The following SLC25A28 variants were observed in gnomAD, a reference collection of about 807,000 sequenced individuals.
SLC25A28 encodes solute carrier family 25 member 28, also known as mitoferrin-2.
In SLC25A28, 10 loss-of-function variants were observed where a neutral mutation model predicts 31.9. The ratio of observed to expected loss-of-function variants is 0.31; its 90% confidence interval spans 0.19 to 0.53. SLC25A28 has a LOEUF of 0.53. Ranked by LOEUF, SLC25A28 falls within the 20% of genes least tolerant of loss-of-function variation. SLC25A28 has a pLI of 0.95. For missense variants in SLC25A28, 256 were observed against 490.3 expected (o/e 0.52, Z 4.51); for synonymous variants, 208 against 203.6 (o/e 1.02, Z -0.19).
chr10:99,610,924 G>A lies in SLC25A28; in HGVS notation c.1020C>T (p.Ala340=). 7 of 1,614,232 alleles carry A rather than the reference G, an allele frequency of 4.3e-6. No individual in the cohort carries two copies. Among genetic ancestry groups the A allele is most frequent in the Non-Finnish European group, 5.9e-6 (7 of 1,180,042 alleles). ...ARVIYQIPST[A]IAWSVYEFFK... ...AGAACTCATACACAGACCATGCGATGGCTGTGGAGGGGATCTGGTAAATTA... is the reference window on the plus strand; with the variant it reads ...AGAACTCATACACAGACCATGCGATAGCTGTGGAGGGGATCTGGTAAATTA... Residue 340 remains alanine (A), a synonymous_variant, in exon 4 of 4, where the codon GCC becomes GCT. Coordinates refer to ENST00000370495, the MANE Select transcript of SLC25A28 (RefSeq NM_031212.4).
At chr10:99,619,700 C>T (rs1301485331) in intron 1 of SLC25A28, among the ~76,000 whole-genome samples, 1 of 152,258 alleles carries the variant, frequency 6.6e-6, no homozygotes, top group Non-Finnish European at 1.5e-5. Flanking sequence ...CAGTTGGCTT[C>T]ACCTTAATCG....
chr10:99,650,696 A>G, the SLC25A28 span, among the ~76,000 whole-genome samples: 1 of 151,478 alleles, frequency 6.6e-6, no homozygotes, highest in Non-Finnish European at 1.5e-5. Context: ...ACGTATAGGA[A>G]AGCCTGGTTT....
In SLC25A28 at chr10:99,610,534, G is replaced by T. The variant is rs545033597; in HGVS notation, c.*315C>A. The T allele has an allele frequency of 9.6e-5, 28 of 290,440 alleles. No individual in the cohort carries two copies. The highest frequency in any genetic ancestry group is 5.1e-4 in the African/African-American group (24 of 47,156). 18.0% of individuals were successfully genotyped at this position (290,440 alleles called of 1,614,324 possible). On this transcript the variant is annotated 3_prime_UTR_variant, in exon 4 of 4. Transcript: ENST00000370495. ...CCCAATGAAACCATTTAATTTAAAG[G>T]CTTTTTATTAGGAACCAGGGGAATG...
chr10:99,657,897 C>T, the SLC25A28 span, among the ~76,000 whole-genome samples: 4 of 152,128 alleles, frequency 2.6e-5, no homozygotes, highest in Non-Finnish European at 5.9e-5. Flanking sequence ...CACTACTAAG[C>T]TTTCCTGGCC....
At chr10:99,639,722 T>TATACAC in the SLC25A28 span, among the ~76,000 whole-genome samples, 3 of 131,058 alleles carry the variant, frequency 2.3e-5, no homozygotes, top group South Asian at 2.7e-4. Context: ...GCACCATGGG[T>TATACAC]ACACACACAC....
At chr10:99,615,880 C>T (rs2034640017) in intron 1 of SLC25A28, 1 of 985,316 alleles carries the variant, frequency 1.0e-6, no homozygotes. Flanking sequence ...ATTTGGCTAC[C>T]AATTCTGAAC....
the SLC25A28 span, among the ~76,000 whole-genome samples, chr10:99,642,961 G>A: frequency 4.6e-5 from 7 of 152,036 alleles, no homozygotes; most frequent in Admixed American, 1.3e-4. Context: ...TGCTGGATTC[G>A]GTTTGCCAGT....
In SLC25A28 at chr10:99,613,290, G is replaced by A; in HGVS notation, c.520+406C>T. 1.4e-6 allele frequency: 1 copy of A among 731,086 alleles called. No individual in the cohort carries two copies. Among genetic ancestry groups the A allele is most frequent in the Non-Finnish European group, 1.7e-6 (1 of 597,860 alleles). The allele number at this position is 731,086 out of a possible 1,614,324, so 45.3% of individuals were successfully genotyped here. A position where few individuals can be genotyped will look rare whatever the true frequency, so the allele number is the denominator to read the frequency against. On this transcript the variant is annotated intron_variant, in intron 2 of 3. Transcript: ENST00000370495. This position sits in a 1 kb window ranked among gnomAD's most constrained non-coding sequence, Gnocchi z 4.9. Reference sequence around the variant, plus strand: ...GGATCCTGAAAAGGTGAGGCAAAAAGCAGGGGCTTCATTAGTATCTTCCTT... The same window carrying A: ...GGATCCTGAAAAGGTGAGGCAAAAAACAGGGGCTTCATTAGTATCTTCCTT...
chr10:99,656,377 T>A, the SLC25A28 span, among the ~76,000 whole-genome samples: 1 of 152,104 alleles, frequency 6.6e-6, no homozygotes, highest in Non-Finnish European at 1.5e-5. Context: ...AGGAAGATAT[T>A]CTAGGATGAC....
the SLC25A28 span, among the ~76,000 whole-genome samples, chr10:99,647,015 T>C: frequency 1.3e-3 from 205 of 152,356 alleles, no homozygotes; most frequent in African/African-American, 4.6e-3. Context: ...TTCTTATGGC[T>C]GAGTAGTATT....
At chr10:99,642,069 T>C in the SLC25A28 span, among the ~76,000 whole-genome samples, 1 of 152,000 alleles carries the variant, frequency 6.6e-6, no homozygotes. Flanking sequence ...TGGTTCCATA[T>C]GAACTTTAAA....
At chr10:99,645,983 C>A in the SLC25A28 span, among the ~76,000 whole-genome samples, 1 of 152,172 alleles carries the variant, frequency 6.6e-6, no homozygotes, top group Non-Finnish European at 1.5e-5. Flanking sequence ...CTGGGAGGTG[C>A]CTCCCAGTTA....
the SLC25A28 span, among the ~76,000 whole-genome samples, chr10:99,641,134 T>C: frequency 2.0e-5 from 3 of 152,222 alleles, no homozygotes; most frequent in African/African-American, 4.8e-5. Flanking sequence ...CCTTGAGGAA[T>C]CGCCACACTA....
At chr10:99,643,718 C>A in the SLC25A28 span, among the ~76,000 whole-genome samples, 1 of 152,074 alleles carries the variant, frequency 6.6e-6, no homozygotes, top group East Asian at 1.9e-4. Flanking sequence ...TATAAATTTC[C>A]CTCTACACAC....
the SLC25A28 span, among the ~76,000 whole-genome samples, chr10:99,656,998 C>G: frequency 2.6e-5 from 4 of 152,000 alleles, no homozygotes; most frequent in Non-Finnish European, 5.9e-5. Context: ...GAAGTATTGT[C>G]CAAACCAGAC....
chr10:99,659,271 G>A, the SLC25A28 span, among the ~76,000 whole-genome samples: 1 of 152,248 alleles, frequency 6.6e-6, no homozygotes, highest in African/African-American at 2.4e-5. The surrounding 1 kb of genome is among the most constrained non-coding windows in gnomAD (Gnocchi z 4.1). Flanking sequence ...GGGCCCTGCA[G>A]GCGGAGCCTC....
At chr10:99,635,957 T>G in the SLC25A28 span, among the ~76,000 whole-genome samples, 1 of 151,940 alleles carries the variant, frequency 6.6e-6, no homozygotes, top group South Asian at 2.1e-4. Context: ...ACACCAGAGC[T>G]CCCAAATTTA....
At chr10:99,642,826 T>C in the SLC25A28 span, among the ~76,000 whole-genome samples, 1 of 152,222 alleles carries the variant, frequency 6.6e-6, no homozygotes, top group Non-Finnish European at 1.5e-5. Context: ...GAGATAATCA[T>C]GTGGTTTTTG....
At chr10:99,645,714 G>A in the SLC25A28 span, among the ~76,000 whole-genome samples, 4 of 152,310 alleles carry the variant, frequency 2.6e-5, no homozygotes, top group South Asian at 2.1e-4. Flanking sequence ...GGTTTTTGAT[G>A]ATGGTGACGT....
Sources: gnomAD v4.1 joint callset for allele counts (sites outside exome capture counted in the v4.1 genomes callset) on GRCh38, gnomAD v4.1.1 for gene constraint, Gnocchi (gnomAD v3.1) non-coding constraint, MANE v1.5 for transcripts, NCBI Gene and HGNC (gene_info 2026-07-23, HGNC 2026-07-21) for gene names.